Variants in HIF3A observed in about 807,000 individuals in gnomAD.
HIF3A encodes the protein hypoxia-inducible factor 3-alpha.
Under a neutral mutation model 67.2 loss-of-function variants are expected in HIF3A, and 41 were observed. The observed-to-expected ratio is 0.61, with a 90% CI of 0.48 to 0.79. HIF3A has a LOEUF of 0.79. Among genes scored for constraint, HIF3A ranks in the 30% least tolerant of loss-of-function variants. The pLI, the probability that HIF3A is intolerant of heterozygous loss-of-function variation, is 0.00. For synonymous variants in HIF3A, 356 were observed against 374.8 expected, an observed-to-expected ratio of 0.95 and a Z score of 0.58; for missense variants, 855 against 898.0, an observed-to-expected ratio of 0.95 and a Z score of 0.61.
intron 6 of HIF3A, among the ~76,000 whole-genome samples, chr19:46,311,485 T>C (rs997362802): frequency 2.6e-5 from 4 of 152,206 alleles, no homozygotes; most frequent in Admixed American, 2.6e-4. Flanking sequence ...GTGTTCCTTC[T>C]GGAGGCTCCA....
At position 46,312,739 on chromosome 19, in the gene HIF3A, G is replaced by A. The variant is rs563803240; in HGVS notation, c.1025+86G>A. The A allele has an allele frequency of 3.4e-3, 5,156 of 1,499,080 alleles. 11 individuals are homozygous for A. The highest frequency in any genetic ancestry group is 4.1e-3 in the Non-Finnish European group (4,597 of 1,126,850). The allele number at this position is 1,499,080 out of a possible 1,614,324, so 92.9% of individuals were successfully genotyped here. A position where few individuals can be genotyped will look rare whatever the true frequency, so the allele number is the denominator to read the frequency against. ...TGTGTGTGTGTGTGTGTGTGTGTGC[G>A]TATGAGCATGCATGTGTATCATGCA... On this transcript the variant is annotated intron_variant, in intron 8 of 14. Transcript: ENST00000377670.
chr19:46,309,967 G>A (rs1286255752), intron 6 of HIF3A, among the ~76,000 whole-genome samples: 1 of 152,114 alleles, frequency 6.6e-6, no homozygotes, highest in Non-Finnish European at 1.5e-5. Context: ...GCTCATACCT[G>A]TAATCCCAGC....
At chr19:46,307,364 G>A (rs1424168768) in intron 3 of HIF3A, among the ~76,000 whole-genome samples, 1 of 152,182 alleles carries the variant, frequency 6.6e-6, no homozygotes, top group East Asian at 1.9e-4. Context: ...TACTTTGGGA[G>A]GCCAAGGTGG....
intron 10 of HIF3A, 50 bp downstream of exon 10, chr19:46,322,016 CAG>C (rs1388244988): frequency 2.5e-6 from 4 of 1,577,652 alleles, no homozygotes; most frequent in Admixed American, 1.7e-5. Context: ...CTCAGTCCCT[CAG>C]GGGGTCTTGG....
intron 4 of HIF3A, 148 bp from the exon 5 acceptor site, chr19:46,308,515 A>C: frequency 1.6e-6 from 1 of 634,612 alleles, no homozygotes; most frequent in Non-Finnish European, 2.7e-6. Flanking sequence ...GTCCAAGGGG[A>C]CACATACTAC....
At chr19:46,312,359 A>G in intron 7 of HIF3A, 92 bp downstream of exon 7, 1 of 1,608,898 alleles carries the variant, frequency 6.2e-7, no homozygotes, top group Admixed American at 1.7e-5. Context: ...CCCAGGATGC[A>G]CTGCCTCCCC....
chr19:46,306,577 T>C, intron 3 of HIF3A: 1 of 152,264 alleles, frequency 6.6e-6, no homozygotes, highest in South Asian at 2.1e-4. Context: ...TAAGCAAGCA[T>C]AGAAAGTAGA....
At chr19:46,305,976 G>A (rs1205244624) in intron 3 of HIF3A, among the ~76,000 whole-genome samples, 2 of 152,178 alleles carry the variant, frequency 1.3e-5, no homozygotes, top group Non-Finnish European at 2.9e-5. Flanking sequence ...CTACTTGGGA[G>A]GCTGAGGTGG....
At chr19:46,332,459 G>A (rs546079947) in intron 13 of HIF3A, among the ~76,000 whole-genome samples, 200 of 152,256 alleles carry the variant, frequency 1.3e-3, no homozygotes, top group Middle Eastern at 0.01. Context: ...AGCATCACCC[G>A]AGCCTGGGAG....
At chr19:46,326,372 T>C (rs773975032) in intron 11 of HIF3A, among the ~76,000 whole-genome samples, 14 of 152,220 alleles carry the variant, frequency 9.2e-5, no homozygotes, top group Non-Finnish European at 1.3e-4. Flanking sequence ...CAGTCTTTCA[T>C]GGCCTAATCT....
At chr19:46,308,827 C>T in intron 5 of HIF3A, 52 bp downstream of exon 5, 1 of 1,248,906 alleles carries the variant, frequency 8.0e-7, no homozygotes, top group South Asian at 1.3e-5. Flanking sequence ...TGGGTGTGAG[C>T]CCTGAAAGAT....
chr19:46,322,768 G>A (rs892798920), intron 10 of HIF3A, among the ~76,000 whole-genome samples: 3 of 152,016 alleles, frequency 2.0e-5, no homozygotes, highest in African/African-American at 4.8e-5. Flanking sequence ...TTGCTGGAGC[G>A]GCTCACAGTA....
chr19:46,304,211 T>A lies in HIF3A; in HGVS notation c.217+123T>A, dbSNP rs909336916. 5.7e-3 allele frequency: 91 copies of A among 15,946 alleles called. 1 individual carries two copies. Among genetic ancestry groups the A allele is most frequent in the Non-Finnish European group, 0.013 (79 of 6,116 alleles). 1.0% of individuals were successfully genotyped at this position (15,946 alleles called of 1,614,324 possible). On this transcript the variant is annotated intron_variant, in intron 2 of 14. Coordinates refer to ENST00000377670, the MANE Select transcript of HIF3A (RefSeq NM_152795.4). ...GACAAAGCCCCGCCCCCTGGTGTCG[T>A]TTTTTTCGGCGGAGCCCCACCCCCC...
Position 46,320,431 on chromosome 19 carries a change from CT to C in HIF3A, c.1026-10del. ...CCCTGACTCCCACCTCCCTTTCTGC[CT>C]TGTACCCCAGCCAGGTGGAAGAGAC... On this transcript the variant is annotated splice_polypyrimidine_tract_variant and intron_variant, in intron 8 of 14. Coordinates refer to ENST00000377670, the MANE Select transcript of HIF3A (RefSeq NM_152795.4). 6.2e-7 allele frequency: 1 copy of C among 1,609,352 alleles called. No individual in the cohort carries two copies. The highest frequency in any genetic ancestry group is 8.5e-7 in the Non-Finnish European group (1 of 1,175,732).
intron 6 of HIF3A, among the ~76,000 whole-genome samples, chr19:46,311,610 A>C (rs1424322241): frequency 6.6e-6 from 1 of 152,090 alleles, no homozygotes; most frequent in East Asian, 1.9e-4. Context: ...AACACCTGTA[A>C]TCTCAGCACT....
At chr19:46,298,207 C>CT (rs1568492969) in intron 1 of HIF3A, 30 of 313,294 alleles carry the variant, frequency 9.6e-5, no homozygotes, top group African/African-American at 5.9e-4. Context: ...TGTTTCTAAC[C>CT]GCCCCCATCC....
At chr19:46,338,287 G>A (rs904501042) in intron 14 of HIF3A, 5 of 452,682 alleles carry the variant, frequency 1.1e-5, no homozygotes, top group Non-Finnish European at 2.2e-5. Flanking sequence ...CCGCAGCCTC[G>A]ACCTCCTGGG....
At chr19:46,310,258 G>A (rs1969314566) in intron 6 of HIF3A, among the ~76,000 whole-genome samples, 1 of 151,766 alleles carries the variant, frequency 6.6e-6, no homozygotes, top group African/African-American at 2.4e-5. Context: ...TTGTCAGGCG[G>A]GTGGCATATT....
rs1388808463 is a variant in HIF3A, at chr19:46,329,417, T to G, written c.1651T>G (p.Cys551Gly). The change falls in exon 12 of 15, where the codon TGC (cysteine) becomes GGC (glycine). Residue 551 changes from cysteine (C) to glycine (G), a missense_variant. Cys to Gly is a radical substitution (Grantham distance 159). Coordinates refer to ENST00000377670, the MANE Select transcript of HIF3A (RefSeq NM_152795.4). ...CTGGGGGAGTGACCCCCGGCTGAGC[T>G]GCTCCAGCCCTTCCAGAGGGGACCC... ...PRWGSDPRLS[C>G]SSPSRGDPSA... The G allele has an allele frequency of 1.3e-6, 2 of 1,592,568 alleles. No individual in the cohort carries two copies. The highest frequency in any genetic ancestry group is 1.7e-6 in the Non-Finnish European group (2 of 1,168,228).
Sources: gnomAD v4.1 joint callset for allele counts (sites outside exome capture counted in the v4.1 genomes callset) on GRCh38, gnomAD v4.1.1 for gene constraint, MANE v1.5 for transcripts, NCBI Gene and HGNC (gene_info 2026-07-23, HGNC 2026-07-21) for gene names.